Variants in MBOAT2 observed in about 807,000 individuals in gnomAD.
MBOAT2 encodes membrane bound glycerophospholipid O-acyltransferase 2, also known as membrane-bound glycerophospholipid O-acyltransferase 2.
Under a neutral mutation model 63.4 loss-of-function variants are expected in MBOAT2, and 28 were observed. That is an observed-to-expected ratio of 0.44 (90% CI 0.33 to 0.61). The LOEUF is 0.61. MBOAT2 is among the 20% of genes least tolerant of loss of function. MBOAT2 has a pLI of 0.03. For missense variants in MBOAT2, 470 were observed against 605.8 expected (o/e 0.78, Z 2.35); for synonymous variants, 211 against 215.6 (o/e 0.98, Z 0.19).
chr2:8,991,168 A>G (rs1671896682), intron 1 of MBOAT2, among the ~76,000 whole-genome samples: 1 of 152,170 alleles, frequency 6.6e-6, no homozygotes, highest in Non-Finnish European at 1.5e-5. Context: ...ATCACAAAAT[A>G]AAACATTTTG....
chr2:8,858,817 A>C lies in MBOAT2; in HGVS notation c.1425T>G (p.His475Gln). The change falls in exon 13 of 13, where the codon CAT becomes CAG. Residue 475 changes from histidine to glutamine, a missense_variant. Around this residue, in one of 3 missense-constraint regions of MBOAT2, gnomAD observed 90 missense variants for 84.9 expected, o/e 1.06. Transcript: ENST00000305997. ...VKKTQRRKNT[H>Q]ENIQLSQSKK... ...TGGATTGTGAGAGCTGAATGTTTTC[A>C]TGTGTATTCTTTCTTCTTTGAGTTT... 6.2e-7 allele frequency: 1 copy of C among 1,614,032 alleles called. No individual in the cohort carries two copies. Among genetic ancestry groups the C allele is most frequent in the Non-Finnish European group, 8.5e-7 (1 of 1,179,968 alleles).
chr2:8,946,775 T>C (rs952683086), intron 2 of MBOAT2, among the ~76,000 whole-genome samples: 2 of 152,292 alleles, frequency 1.3e-5, no homozygotes, highest in African/African-American at 4.8e-5. Flanking sequence ...AAATGTTAGG[T>C]GTGTTCTGAC....
intron 1 of MBOAT2, among the ~76,000 whole-genome samples, chr2:8,996,849 T>C (rs764327603): frequency 1.3e-5 from 2 of 152,220 alleles, no homozygotes; most frequent in Non-Finnish European, 2.9e-5. Flanking sequence ...ATGATACGTA[T>C]AACATTAAGC....
intron 3 of MBOAT2, among the ~76,000 whole-genome samples, chr2:8,939,378 G>A (rs765146579): frequency 1.3e-5 from 2 of 152,210 alleles, no homozygotes; most frequent in Non-Finnish European, 2.9e-5. Context: ...TCCTGGCCTA[G>A]AGTCAGAGGG....
intron 3 of MBOAT2, among the ~76,000 whole-genome samples, chr2:8,915,726 C>A (rs1041525810): frequency 6.6e-6 from 1 of 152,116 alleles, no homozygotes; most frequent in African/African-American, 2.4e-5. Context: ...GTGCCACAGT[C>A]CATTTATGAA....
intron 3 of MBOAT2, among the ~76,000 whole-genome samples, chr2:8,915,887 C>T (rs1489495899): frequency 6.6e-6 from 1 of 152,204 alleles, no homozygotes; most frequent in African/African-American, 2.4e-5. Context: ...CTGGTTCTCT[C>T]ACTTCTAAAA....
At chr2:8,968,388 T>A (rs1256415480) in intron 1 of MBOAT2, among the ~76,000 whole-genome samples, 1 of 152,124 alleles carries the variant, frequency 6.6e-6, no homozygotes, top group African/African-American at 2.4e-5. Flanking sequence ...TATGTCACCA[T>A]CATCAAAGAC....
At chr2:8,929,641 C>T (rs1027451241) in intron 3 of MBOAT2, among the ~76,000 whole-genome samples, 3 of 152,232 alleles carry the variant, frequency 2.0e-5, no homozygotes, top group Non-Finnish European at 4.4e-5. Flanking sequence ...GCGTGAGCCA[C>T]CGCACCTGGC....
intron 1 of MBOAT2, among the ~76,000 whole-genome samples, chr2:8,982,822 C>T (rs767713624): frequency 2.0e-5 from 3 of 152,250 alleles, no homozygotes; most frequent in South Asian, 2.1e-4. Context: ...TCATAAGGAC[C>T]TGTTCCTTCC....
chr2:8,884,243 G>C (rs865894228), intron 5 of MBOAT2, among the ~76,000 whole-genome samples: 81 of 149,868 alleles, frequency 5.4e-4, no homozygotes, highest in Middle Eastern at 3.5e-3. Flanking sequence ...GAAATGTTGG[G>C]GGAGGGACAT....
chr2:8,944,171 G>C (rs1370646704), intron 2 of MBOAT2, among the ~76,000 whole-genome samples: 2 of 152,008 alleles, frequency 1.3e-5, no homozygotes, highest in Non-Finnish European at 2.9e-5. Context: ...CCCATGACAT[G>C]GTATTTTCTA....
chr2:8,929,053 G>T (rs2103196240), intron 3 of MBOAT2, among the ~76,000 whole-genome samples: 1 of 152,194 alleles, frequency 6.6e-6, no homozygotes, highest in East Asian at 1.9e-4. Flanking sequence ...AAAAGGTAGT[G>T]GGGAGGTGGG....
intron 2 of MBOAT2, among the ~76,000 whole-genome samples, chr2:8,952,847 T>C (rs1043572053): frequency 9.2e-5 from 14 of 152,124 alleles, no homozygotes; most frequent in African/African-American, 3.1e-4. Context: ...AACCCTTTAC[T>C]TTGAGCCTGT....
intron 2 of MBOAT2, among the ~76,000 whole-genome samples, chr2:8,956,101 C>T (rs1669206929): frequency 6.6e-6 from 1 of 152,086 alleles, no homozygotes. Context: ...ACAATATTCA[C>T]TGTATTATGG....
chr2:8,974,232 C>T (rs921827227), intron 1 of MBOAT2: 16 of 396,032 alleles, frequency 4.0e-5, no homozygotes, highest in African/African-American at 3.3e-4. Context: ...TGGTCTCAGC[C>T]AATCATCACC....
rs981868013 is a variant in MBOAT2 at position 8,858,058 on chromosome 2, G to A, written c.*621C>T. ...CAAAATCAGCTACCTATAATTTGGCGTCCATTACTGTTTACAGTTTCACTA... is the reference window on the plus strand; with the variant it reads ...CAAAATCAGCTACCTATAATTTGGCATCCATTACTGTTTACAGTTTCACTA... On this transcript the variant is annotated 3_prime_UTR_variant, in exon 13 of 13. Coordinates refer to ENST00000305997, the MANE Select transcript of MBOAT2 (RefSeq NM_138799.4). 4.6e-5 allele frequency: 7 copies of A among 152,606 alleles called. No individual in the cohort carries two copies. The highest frequency in any genetic ancestry group is 3.3e-4 in the Admixed American group (5 of 15,276). 9.5% of individuals were successfully genotyped at this position (152,606 alleles called of 1,614,324 possible). A position where few individuals can be genotyped will look rare whatever the true frequency, so the allele number is the denominator to read the frequency against.
At chr2:8,954,245 C>T (rs1274550950) in intron 2 of MBOAT2, among the ~76,000 whole-genome samples, 1 of 152,022 alleles carries the variant, frequency 6.6e-6, no homozygotes, top group Non-Finnish European at 1.5e-5. Flanking sequence ...ACCTACAAGC[C>T]CACAGATGGT....
intron 1 of MBOAT2, among the ~76,000 whole-genome samples, chr2:8,978,564 C>A (rs1053114575): frequency 6.6e-6 from 1 of 152,034 alleles, no homozygotes; most frequent in African/African-American, 2.4e-5. Flanking sequence ...GCATTCCTCT[C>A]CAAGTGCCTA....
rs78420109 is a variant in MBOAT2, at chr2:8,885,258, G to T, written c.452-2693C>A. Among the ~76,000 whole-genome samples, 1,038 of 152,262 alleles carry T rather than the reference G, an allele frequency of 6.8e-3. 11 individuals are homozygous for T. The highest frequency in any genetic ancestry group is 0.023 in the African/African-American group (974 of 41,526). On this transcript the variant is annotated intron_variant, in intron 5 of 12. Coordinates refer to ENST00000305997, the MANE Select transcript of MBOAT2 (RefSeq NM_138799.4). The stretch of plus-strand genomic sequence containing the variant: ...ACTGATTATCTCCATGGGTGGCTGC[G>T]ATAGTGGCACCTTTGGTTTCTGATG...
Sources: allele counts gnomAD v4.1 joint callset (sites outside exome capture counted in the v4.1 genomes callset), GRCh38; gene constraint gnomAD v4.1.1; regional missense constraint gnomAD v4.1.1; transcripts MANE v1.5; gene names NCBI Gene and HGNC (gene_info 2026-07-23, HGNC 2026-07-21).